Variants in ARHGAP26 observed in about 807,000 individuals in gnomAD.
ARHGAP26 encodes Rho GTPase activating protein 26.
A neutral mutation model predicts 104.8 loss-of-function variants in ARHGAP26; 38 were observed. The ratio of observed to expected loss-of-function variants is 0.36; its 90% CI spans 0.28 to 0.48. The LOEUF (loss-of-function observed/expected upper bound fraction) is 0.48, where lower values mean the gene tolerates loss of function less well. Ranked by LOEUF, ARHGAP26 falls within the 20% of genes least tolerant of loss-of-function variation. The pLI is 0.99. For missense variants in ARHGAP26, 704 were observed against 947.9 expected, an observed-to-expected ratio of 0.74 and a Z score of 3.38; for synonymous variants, 341 against 340.0, an observed-to-expected ratio of 1.00 and a Z score of -0.03.
At chr5:143,134,914 G>A (rs1200114853) in intron 19 of ARHGAP26, among the ~76,000 whole-genome samples, 1 of 152,270 alleles carries the variant, frequency 6.6e-6, no homozygotes, top group Non-Finnish European at 1.5e-5. Flanking sequence ...ACTGAGAGCA[G>A]CTACTACCAT....
intron 1 of ARHGAP26, among the ~76,000 whole-genome samples, chr5:142,872,623 T>G (rs1434933991): frequency 1.3e-5 from 2 of 152,262 alleles, no homozygotes; most frequent in African/African-American, 4.8e-5. Context: ...CATTACTATC[T>G]TCAGTGAAAG....
At chr5:143,160,226 A>T (rs886646414) in intron 20 of ARHGAP26, among the ~76,000 whole-genome samples, 2 of 151,356 alleles carry the variant, frequency 1.3e-5, no homozygotes, top group Non-Finnish European at 2.9e-5. Flanking sequence ...CACCTTGCTA[A>T]TTTTTTTTAT....
Position 143,213,995 on chromosome 5 carries a change from A to G in ARHGAP26, c.2100-2A>G, listed in dbSNP as rs1207178788. ...GTTAAATAAACTCCTGTTTTCACAC[A>G]GCACACCGTTCCGGAAGGCAAAAGC... On this transcript the variant is annotated splice_acceptor_variant, in intron 21 of 22. Coordinates refer to ENST00000645722, the MANE Select transcript of ARHGAP26 (RefSeq NM_001135608.3). LOFTEE classifies it high-confidence loss of function. The G allele has an allele frequency of 6.3e-7, 1 of 1,580,980 alleles. No individual in the cohort carries two copies. The highest frequency in any genetic ancestry group is 8.7e-7 in the Non-Finnish European group (1 of 1,155,692).
At chr5:142,903,500 C>T in intron 7 of ARHGAP26, 40 bp from the exon 8 acceptor site, 1 of 1,600,622 alleles carries the variant, frequency 6.2e-7, no homozygotes, top group Non-Finnish European at 8.5e-7. Context: ...AAAACAGATA[C>T]TTTGTTTCTT....
At chr5:142,829,676 A>G (rs1417983584) in intron 1 of ARHGAP26, among the ~76,000 whole-genome samples, 1 of 152,272 alleles carries the variant, frequency 6.6e-6, no homozygotes, top group Non-Finnish European at 1.5e-5. Context: ...ATGTGTAATT[A>G]GAGAGAGTAG....
intron 1 of ARHGAP26, among the ~76,000 whole-genome samples, chr5:142,795,066 T>G (rs971974275): frequency 6.6e-6 from 1 of 152,182 alleles, no homozygotes; most frequent in Non-Finnish European, 1.5e-5. Flanking sequence ...TTAAAAAAAT[T>G]TATAGCCCTT....
At chr5:142,959,129 A>C (rs981236406) in intron 11 of ARHGAP26, among the ~76,000 whole-genome samples, 27 of 152,230 alleles carry the variant, frequency 1.8e-4, no homozygotes, top group African/African-American at 6.5e-4. Flanking sequence ...CTGGTAGCAC[A>C]GTCTGAACCC....
At chr5:143,051,444 T>C (rs930567463) in intron 14 of ARHGAP26, among the ~76,000 whole-genome samples, 1 of 152,236 alleles carries the variant, frequency 6.6e-6, no homozygotes, top group African/African-American at 2.4e-5. Context: ...TAAGCAGCAG[T>C]GGTCAAGGGA....
intron 18 of ARHGAP26, among the ~76,000 whole-genome samples, chr5:143,129,018 G>T (rs1162157883): frequency 6.6e-6 from 1 of 152,134 alleles, no homozygotes; most frequent in Non-Finnish European, 1.5e-5. Flanking sequence ...GATTGAAGAA[G>T]GTCTAAAAAT....
intron 1 of ARHGAP26, chr5:142,866,664 T>C (rs976562270): frequency 1.3e-5 from 2 of 152,202 alleles, no homozygotes; most frequent in Non-Finnish European, 1.5e-5. Context: ...CTCTGAAAAT[T>C]TCATTAGCCT....
chr5:143,163,083 C>G (rs961893141), intron 20 of ARHGAP26, among the ~76,000 whole-genome samples: 5 of 152,106 alleles, frequency 3.3e-5, no homozygotes, highest in Non-Finnish European at 7.4e-5. Flanking sequence ...CCACTGCACT[C>G]CAGCCTGGGT....
intron 22 of ARHGAP26, among the ~76,000 whole-genome samples, chr5:143,214,859 T>C (rs66521053): frequency 0.033 from 5,022 of 152,290 alleles, 270 homozygotes; most frequent in African/African-American, 0.11. Context: ...GGCGTCTGAG[T>C]CTGCATTCCC....
intron 11 of ARHGAP26, among the ~76,000 whole-genome samples, chr5:142,992,440 ATTT>A (rs538548504): frequency 1.4e-5 from 2 of 146,202 alleles, no homozygotes; most frequent in Non-Finnish European, 3.0e-5. Flanking sequence ...TTTATTTTTT[ATTT>A]TTTTTTTTGA....
chr5:142,845,317 G>A (rs759587756), intron 1 of ARHGAP26, among the ~76,000 whole-genome samples: 15 of 152,158 alleles, frequency 9.9e-5, no homozygotes, highest in South Asian at 2.1e-4. Context: ...GAATGCTTCC[G>A]GGTGGGTATT....
At chr5:143,189,983 C>T (rs1225764571) in intron 20 of ARHGAP26, among the ~76,000 whole-genome samples, 4 of 150,714 alleles carry the variant, frequency 2.7e-5, no homozygotes, top group Non-Finnish European at 5.9e-5. Context: ...CTCTTCCAGG[C>T]TCCTAATAGC....
intron 1 of ARHGAP26, among the ~76,000 whole-genome samples, chr5:142,846,863 C>G (rs1772064492): frequency 6.6e-6 from 1 of 152,214 alleles, no homozygotes; most frequent in African/African-American, 2.4e-5. Flanking sequence ...GTGAATAACT[C>G]TCCCTTAAAG....
intron 21 of ARHGAP26, among the ~76,000 whole-genome samples, chr5:143,211,138 G>A (rs937032691): frequency 2.0e-5 from 3 of 152,198 alleles, no homozygotes; most frequent in Non-Finnish European, 2.9e-5. Context: ...CACTTGACTT[G>A]TTGGGCTGAC....
intron 10 of ARHGAP26, among the ~76,000 whole-genome samples, chr5:142,919,787 A>G (rs1237158095): frequency 6.6e-6 from 1 of 152,180 alleles, no homozygotes; most frequent in African/African-American, 2.4e-5. Context: ...ATTTGAGCTC[A>G]GGAGTTCAAG....
chr5:142,829,957 T>G (rs527924768), intron 1 of ARHGAP26, among the ~76,000 whole-genome samples: 7 of 152,200 alleles, frequency 4.6e-5, no homozygotes, highest in Non-Finnish European at 1.0e-4. Flanking sequence ...CTTTATACCA[T>G]TATTACTTTG....
Sources: gnomAD v4.1 joint callset for allele counts (sites outside exome capture counted in the v4.1 genomes callset) on GRCh38, gnomAD v4.1.1 for gene constraint, MANE v1.5 for transcripts, NCBI Gene and HGNC (gene_info 2026-07-23, HGNC 2026-07-21) for gene names.